The following JMJD1C variants were observed in gnomAD, a reference collection of about 807,000 sequenced individuals.
The protein encoded by JMJD1C is jumonji domain-containing protein 1C.
A neutral mutation model predicts 245.3 loss-of-function variants in JMJD1C; 31 were observed. That is an observed-to-expected ratio of 0.13 (90% CI 0.09 to 0.17). JMJD1C has a LOEUF of 0.17. Among genes scored for constraint, JMJD1C ranks in the 10% least tolerant of loss-of-function variants. The pLI, the probability that JMJD1C is intolerant of heterozygous loss-of-function variation, is 1.00. For synonymous variants in JMJD1C, 1,057 were observed against 1,017.4 expected (o/e 1.04, Z -0.74); for missense variants, 2,691 against 3,000.2 (o/e 0.90, Z 2.41).
chr10:63,445,116 C>A (rs773700485), intron 1 of JMJD1C, among the ~76,000 whole-genome samples: 1 of 151,960 alleles, frequency 6.6e-6, no homozygotes, highest in Non-Finnish European at 1.5e-5. Context: ...ATCTGTAGTC[C>A]CAGCTACTTG....
At chr10:63,182,351 T>C (rs34119992) in intron 22 of JMJD1C, among the ~76,000 whole-genome samples, 30,695 of 152,064 alleles carry the variant, frequency 0.2, 4,068 homozygotes, top group Non-Finnish European at 0.29. Context: ...TAGACAGGGG[T>C]GAGTAATAAA....
chr10:63,219,402 C>A (rs1303285954), intron 4 of JMJD1C, among the ~76,000 whole-genome samples: 1 of 152,090 alleles, frequency 6.6e-6, no homozygotes, highest in Admixed American at 6.5e-5. Context: ...TGCTAAAAAT[C>A]GTCAAACCCC....
intron 1 of JMJD1C, among the ~76,000 whole-genome samples, chr10:63,473,883 A>C (rs1953571996): frequency 6.6e-6 from 1 of 151,780 alleles, no homozygotes. Context: ...TCTCTACTAA[A>C]AATACAAAAA....
At chr10:63,267,293 G>C (rs1454609053) in intron 2 of JMJD1C, among the ~76,000 whole-genome samples, 1 of 152,092 alleles carries the variant, frequency 6.6e-6, no homozygotes, top group Non-Finnish European at 1.5e-5. Context: ...AACATATGAA[G>C]TGATATTAAA....
chr10:63,479,107 G>C (rs1420817445), intron 1 of JMJD1C, among the ~76,000 whole-genome samples: 1 of 151,962 alleles, frequency 6.6e-6, no homozygotes, highest in Non-Finnish European at 1.5e-5. Flanking sequence ...TTTCTATGTA[G>C]GCTGTTAGAA....
At chr10:63,202,256 A>AT (rs1443616501) in intron 10 of JMJD1C, 1 of 971,400 alleles carries the variant, frequency 1.0e-6, no homozygotes, top group Admixed American at 6.2e-5. Flanking sequence ...TCTGTCTAAA[A>AT]ATATATATAA....
At chr10:63,382,803 T>C (rs191008540) in intron 1 of JMJD1C, 323 of 456,076 alleles carry the variant, frequency 7.1e-4, no homozygotes, top group Non-Finnish European at 1.3e-3. Flanking sequence ...CCCTTACACC[T>C]GAAGAGTTTC....
intron 2 of JMJD1C, among the ~76,000 whole-genome samples, chr10:63,326,738 G>C (rs1941566573): frequency 6.6e-6 from 1 of 152,166 alleles, no homozygotes; most frequent in Non-Finnish European, 1.5e-5. Context: ...AATCAGCCTA[G>C]CGTGGTGGTG....
At chr10:63,189,540 C>A in intron 17 of JMJD1C, 94 bp from the exon 18 acceptor site, 4 of 989,642 alleles carry the variant, frequency 4.0e-6, no homozygotes, top group Non-Finnish European at 5.8e-6. Flanking sequence ...AAACAATATC[C>A]CTACACTCCA....
intron 1 of JMJD1C, among the ~76,000 whole-genome samples, chr10:63,411,171 C>A (rs1009583671): frequency 6.6e-5 from 10 of 151,900 alleles, no homozygotes; most frequent in African/African-American, 2.4e-4. Context: ...AAAATCTCAT[C>A]TTTGGTGATA....
chr10:63,231,814 A>C (rs1850046738), intron 3 of JMJD1C, among the ~76,000 whole-genome samples: 1 of 152,114 alleles, frequency 6.6e-6, no homozygotes, highest in African/African-American at 2.4e-5. Context: ...AAATAAAATA[A>C]AACAAGAAAA....
At chr10:63,219,231 T>A (rs769596939) in intron 4 of JMJD1C, among the ~76,000 whole-genome samples, 1 of 152,194 alleles carries the variant, frequency 6.6e-6, no homozygotes, top group African/African-American at 2.4e-5. Context: ...TGACACTTAA[T>A]GGCATGGAAG....
intron 1 of JMJD1C, among the ~76,000 whole-genome samples, chr10:63,451,544 A>ATTTACACT (rs1362006533): frequency 8.5e-5 from 13 of 152,242 alleles, no homozygotes; most frequent in Non-Finnish European, 1.5e-4. Context: ...CTATTTACAG[A>ATTTACACT]GCATTTACAC....
At position 63,215,063 on chromosome 10, in the gene JMJD1C, T is replaced by A; in HGVS notation, c.1104A>T (p.Arg368=). ...DEKKLNMKRL[R]TDNVSDFSES... ...CAGAAAAGTCTGAAACATTGTCAGT[T>A]CGAAGTCTTTTCATATTTAGTTTCT... Residue 368 remains arginine (R), a synonymous_variant, in exon 8 of 26, where the codon CGA becomes CGT. Transcript: ENST00000399262. The A allele has an allele frequency of 6.2e-7, 1 of 1,603,096 alleles. No homozygotes were observed. Among genetic ancestry groups the A allele is most frequent in the East Asian group, 2.2e-5 (1 of 44,732 alleles).
chr10:63,201,180 G>A (rs1317357435), intron 10 of JMJD1C, among the ~76,000 whole-genome samples: 1 of 152,208 alleles, frequency 6.6e-6, no homozygotes, highest in African/African-American at 2.4e-5. Flanking sequence ...CAAGGTAAGT[G>A]TGGCTCATTA....
chr10:63,227,764 T>C (rs998629239), intron 3 of JMJD1C, among the ~76,000 whole-genome samples: 21 of 152,226 alleles, frequency 1.4e-4, no homozygotes, highest in Admixed American at 3.3e-4. Flanking sequence ...GATTAGGTGA[T>C]TGAACATGTT....
chr10:63,235,324 C>CA (rs1850603944), intron 3 of JMJD1C, among the ~76,000 whole-genome samples: 1 of 152,004 alleles, frequency 6.6e-6, no homozygotes, highest in African/African-American at 2.4e-5. Flanking sequence ...AGTGAAACCC[C>CA]ATCGCTCCTA....
chr10:63,482,688 C>T (rs763149139), intron 1 of JMJD1C, among the ~76,000 whole-genome samples: 2 of 152,084 alleles, frequency 1.3e-5, no homozygotes, highest in Non-Finnish European at 2.9e-5. Flanking sequence ...AGCTACATTG[C>T]CTGACTTCTA....
chr10:63,428,049 A>G, intron 1 of JMJD1C: 1 of 591,886 alleles, frequency 1.7e-6, no homozygotes, highest in South Asian at 1.9e-5. Context: ...TCCAGCCCTA[A>G]AAATACACAC....
Sources: allele counts gnomAD v4.1 joint callset (sites outside exome capture counted in the v4.1 genomes callset), GRCh38; gene constraint gnomAD v4.1.1; transcripts MANE v1.5; gene names NCBI Gene and HGNC (gene_info 2026-07-23, HGNC 2026-07-21).